SNX19: variants seen among roughly 807,000 people sequenced by gnomAD.
SNX19 encodes sorting nexin 19.
A neutral mutation model predicts 85.2 loss-of-function variants in SNX19; 60 were observed. That is an observed-to-expected ratio of 0.70 (90% CI 0.57 to 0.87). SNX19 has a LOEUF of 0.87. SNX19 is among the 40% of genes least tolerant of loss of function. SNX19 has a pLI of 0.00. For synonymous variants in SNX19, 520 were observed against 470.0 expected, an observed-to-expected ratio of 1.11 and a Z score of -1.38; for missense variants, 1,201 against 1,217.8, an observed-to-expected ratio of 0.99 and a Z score of 0.21.
chr11:130,913,922 AC>A (rs3838800), intron 1 of SNX19, among the ~76,000 whole-genome samples: 118,123 of 151,956 alleles, frequency 0.78, 46,417 homozygotes, highest in African/African-American at 0.89. Flanking sequence ...GAATCCAGGG[AC>A]CCCCTCCTTA....
Position 130,914,644 on chromosome 11 carries a change from T to C in SNX19, c.1296A>G (p.Thr432=). The C allele has an allele frequency of 1.2e-6, 2 of 1,613,948 alleles. No individual in the cohort carries two copies. Among genetic ancestry groups the C allele is most frequent in the East Asian group, 4.5e-5 (2 of 44,870 alleles). ...GTGTGGAGACCGGCAGGCCTGTCTC[T>C]GTTTCTGTCCCTGGACCCTCCTCAG... ...AEAEEGPGTE[T]ETGLPVSTLN... Residue 432 remains threonine, a synonymous_variant, in exon 1 of 11, where the codon ACA becomes ACG. Transcript: ENST00000265909.
intron 9 of SNX19, 133 bp downstream of exon 9, chr11:130,880,489 T>A (rs1157165922): frequency 5.4e-6 from 4 of 741,574 alleles, no homozygotes; most frequent in Non-Finnish European, 6.4e-6. Context: ...TGGGAAATGA[T>A]GGGTCAACAG....
At chr11:130,898,405 ATAAC>A (rs1290990294) in intron 8 of SNX19, among the ~76,000 whole-genome samples, 1 of 152,202 alleles carries the variant, frequency 6.6e-6, no homozygotes, top group Non-Finnish European at 1.5e-5. Context: ...TGAGTTCTAA[ATAAC>A]TAGAGAAGTG....
At chr11:130,882,303 T>G (rs1380326556) in intron 8 of SNX19, among the ~76,000 whole-genome samples, 1 of 152,240 alleles carries the variant, frequency 6.6e-6, no homozygotes. Flanking sequence ...CTGCACCACA[T>G]GGCAGCTCAT....
chr11:130,892,389 C>T (rs1944560737), intron 8 of SNX19, among the ~76,000 whole-genome samples: 1 of 151,888 alleles, frequency 6.6e-6, no homozygotes, highest in Non-Finnish European at 1.5e-5. Context: ...AAATTCTTGC[C>T]TTGCCTTTTT....
At position 130,915,333 on chromosome 11, in the gene SNX19, G is replaced by A. The variant is rs375418234; in HGVS notation, c.607C>T (p.His203Tyr). Residue 203 changes from histidine to tyrosine, a missense_variant, in exon 1 of 11, where the codon CAC becomes TAC. Physicochemically the swap from His to Tyr is moderately conservative, Grantham distance 83. Transcript: ENST00000265909. ...CRATAPHPAV[H>Y]SPSAEVTYTR... ...TAGGTGACTTCAGCACTGGGGCTGT[G>A]CACAGCAGGATGTGGGGCAGTCGCC... 3.1e-6 allele frequency: 5 copies of A among 1,614,198 alleles called. No individual in the cohort carries two copies. Among genetic ancestry groups the A allele is most frequent in the Non-Finnish European group, 3.4e-6 (4 of 1,180,036 alleles).
intron 8 of SNX19, among the ~76,000 whole-genome samples, chr11:130,902,565 C>G (rs1945331816): frequency 6.6e-6 from 1 of 152,184 alleles, no homozygotes; most frequent in East Asian, 1.9e-4. Flanking sequence ...AAAACCCAAG[C>G]ACTACGTGTG....
chr11:130,914,887 G>A lies in SNX19; in HGVS notation c.1053C>T (p.Asn351=). The A allele has an allele frequency of 6.2e-7, 1 of 1,614,188 alleles. No homozygotes were observed. The highest frequency in any genetic ancestry group is 2.2e-5 in the East Asian group (1 of 44,886). ...TTGGCTGTAGGAAATGAGATGAGTT[G>A]TTTCCTACTTTTCTTTCTTCACACA... The part of the protein sequence containing the change: ...GGMCEERKVG[N]NSSHFLQPNV... Residue 351 remains asparagine (N), a synonymous_variant, in exon 1 of 11, where the codon AAC becomes AAT. Transcript: ENST00000265909.
intron 7 of SNX19, among the ~76,000 whole-genome samples, chr11:130,905,233 CAATGCATATAA>C (rs1346118649): frequency 6.6e-6 from 1 of 152,016 alleles, no homozygotes; most frequent in Non-Finnish European, 1.5e-5. Flanking sequence ...GCTCTGCCTC[CAATGCATATAA>C]GGAGAAAGTA....
chr11:130,884,097 A>G (rs887734538), intron 8 of SNX19, among the ~76,000 whole-genome samples: 2 of 152,144 alleles, frequency 1.3e-5, no homozygotes, highest in Admixed American at 6.6e-5. Context: ...CTTCATCCAA[A>G]TATCTTTCCT....
intron 8 of SNX19, among the ~76,000 whole-genome samples, chr11:130,895,560 C>T (rs1382188614): frequency 6.6e-6 from 1 of 152,110 alleles, no homozygotes; most frequent in African/African-American, 2.4e-5. Flanking sequence ...ATCTTAGGTT[C>T]CTGTTTGCAG....
Position 130,878,541 on chromosome 11 carries a change from A to C in SNX19, c.2860T>G (p.Cys954Gly), listed in dbSNP as rs1201188415. The change falls in exon 11 of 11, where the codon TGC becomes GGC. Residue 954 changes from cysteine to glycine, a missense_variant. Cys to Gly is a radical substitution (Grantham distance 159). Coordinates refer to ENST00000265909, the MANE Select transcript of SNX19 (RefSeq NM_014758.3). ...AATTCCAGGATGATGTCCCCAAGGC[A>C]GTAAATCAAATGCCTGAAACGAATG... is the stretch of plus-strand genomic sequence containing the variant. ...QPLINRHLIY[C>G]LGDIILEFLD... 1 of 1,612,542 alleles carries C rather than the reference A, an allele frequency of 6.2e-7. No individual in the cohort carries two copies. Among genetic ancestry groups the C allele is most frequent in the Admixed American group, 1.7e-5 (1 of 59,870 alleles).
intron 8 of SNX19, among the ~76,000 whole-genome samples, chr11:130,890,754 C>T (rs1446214317): frequency 2.6e-5 from 4 of 152,092 alleles, no homozygotes; most frequent in Non-Finnish European, 5.9e-5. Flanking sequence ...CTTCCCTGCA[C>T]CTCTCATAAT....
chr11:130,911,967 C>T lies in SNX19; in HGVS notation c.1675-196G>A, dbSNP rs555093791. Among the ~76,000 whole-genome samples, 3 of 151,974 alleles carry T rather than the reference C, an allele frequency of 2.0e-5. No homozygotes were observed. The South Asian group carries it at 6.2e-4, about 31-fold the overall frequency. ...AAAGTCAGAAATGAGTTTCACTCCT[C>T]CGCACTACTACTTTCATCTGAAAGC... is the stretch of plus-strand genomic sequence containing the variant. On this transcript the variant is annotated intron_variant, in intron 1 of 10. Transcript: ENST00000265909.
rs572900404 is a variant in SNX19 at position 130,871,191 on chromosome 11, T to G, written c.*7231A>C. ...TTTGGAAGTTTCTCGTCTAACCTCC[T>G]GCCTAAACCATCTATAATACATTCT... On this transcript the variant is annotated 3_prime_UTR_variant, in exon 11 of 11. Coordinates refer to ENST00000265909, the MANE Select transcript of SNX19 (RefSeq NM_014758.3). Among the ~76,000 whole-genome samples, 3 of 152,336 alleles carry G rather than the reference T, an allele frequency of 2.0e-5. No individual in the cohort carries two copies. The highest frequency in any genetic ancestry group is 1.9e-4 in the East Asian group (1 of 5,176).
intron 8 of SNX19, among the ~76,000 whole-genome samples, chr11:130,898,863 C>T (rs1945061022): frequency 6.6e-6 from 1 of 152,092 alleles, no homozygotes; most frequent in Non-Finnish European, 1.5e-5. Flanking sequence ...TGATAATCTC[C>T]AGTACTTGGA....
rs1942933306 is a variant in SNX19, at chr11:130,869,632, AT to A, written c.*8789del. 1 of 152,130 alleles carries A rather than the reference AT, an allele frequency of 6.6e-6. No individual in the cohort carries two copies. Among genetic ancestry groups the A allele is most frequent in the Admixed American group, 6.5e-5 (1 of 15,282 alleles). The allele number at this position is 152,130 out of a possible 1,614,324, so 9.4% of individuals were successfully genotyped here. The stretch of plus-strand genomic sequence containing the variant: ...CTTAAAATCAGGGGAAGAGATGTGA[AT>A]GGCTAAACTTTCTAGTTGTGTGAAT... On this transcript the variant is annotated 3_prime_UTR_variant, in exon 11 of 11. Coordinates refer to ENST00000265909, the MANE Select transcript of SNX19 (RefSeq NM_014758.3).
At chr11:130,910,184 C>T (rs1285329435) in intron 3 of SNX19, 47 bp from the exon 4 acceptor site, 1 of 1,613,770 alleles carries the variant, frequency 6.2e-7, no homozygotes, top group South Asian at 1.1e-5. Flanking sequence ...ATTCCAGTCC[C>T]CAAATCTCTC....
At chr11:130,906,761 T>C (rs748865039) in intron 5 of SNX19, 40 bp from the exon 6 acceptor site, 16 of 1,411,204 alleles carry the variant, frequency 1.1e-5, no homozygotes, top group Middle Eastern at 1.8e-4. Context: ...TTGTAATTTA[T>C]GGCCTTGAGC....
Sources: gnomAD v4.1 joint callset for allele counts (sites outside exome capture counted in the v4.1 genomes callset) on GRCh38, gnomAD v4.1.1 for gene constraint, MANE v1.5 for transcripts, NCBI Gene and HGNC (gene_info 2026-07-23, HGNC 2026-07-21) for gene names.